Variants in TTC6 observed in about 807,000 individuals in gnomAD.
The protein encoded by TTC6 is tetratricopeptide repeat domain 6.
TTC6 carries 172 observed loss-of-function variants against 210.4 expected under a neutral mutation model. That is an observed-to-expected ratio of 0.82 (90% confidence interval 0.72 to 0.93). The LOEUF is 0.93. Ranked by LOEUF, TTC6 falls within the 40% of genes least tolerant of loss-of-function variation. The pLI, the probability that TTC6 is intolerant of heterozygous loss-of-function variation, is 0.00. For synonymous variants in TTC6, 804 were observed against 819.6 expected (o/e 0.98, Z 0.32); for missense variants, 2,414 against 2,318.1 (o/e 1.04, Z -0.85).
intron 25 of TTC6, among the ~76,000 whole-genome samples, chr14:37,813,257 T>C (rs1229497083): frequency 6.6e-6 from 1 of 152,146 alleles, no homozygotes; most frequent in Non-Finnish European, 1.5e-5. Context: ...ACACTATGAA[T>C]AAATGTAATC....
chr14:37,619,548 A>G (rs2139286816), upstream of TTC6, among the ~76,000 whole-genome samples: 1 of 152,294 alleles, frequency 6.6e-6, no homozygotes, highest in African/African-American at 2.4e-5. Context: ...AATACACCAA[A>G]AAATTGCACC....
At chr14:37,785,871 T>TG (rs1489595723) in intron 14 of TTC6, among the ~76,000 whole-genome samples, 1 of 152,206 alleles carries the variant, frequency 6.6e-6, no homozygotes, top group Non-Finnish European at 1.5e-5. Context: ...GCAGGTCTGT[T>TG]GGAGTTTGCT....
At chr14:37,789,616 ATT>A (rs1491347063) in intron 15 of TTC6, among the ~76,000 whole-genome samples, 3 of 145,882 alleles carry the variant, frequency 2.1e-5, no homozygotes, top group Admixed American at 6.9e-5. Flanking sequence ...ATATATATAT[ATT>A]GTATATACTC....
At chr14:37,714,994 A>G (rs913892839) in intron 6 of TTC6, among the ~76,000 whole-genome samples, 198 bp downstream of exon 8, 2 of 152,280 alleles carry the variant, frequency 1.3e-5, no homozygotes, top group Non-Finnish European at 2.9e-5. Flanking sequence ...TCTGGCCAAC[A>G]TAACGAGACC....
intron 14 of TTC6, among the ~76,000 whole-genome samples, chr14:37,773,789 TGAA>T (rs1424964064): frequency 6.6e-6 from 1 of 152,214 alleles, no homozygotes; most frequent in Non-Finnish European, 1.5e-5. Context: ...TCTGATTCTG[TGAA>T]GAATCTCATT....
intron 5 of TTC6, among the ~76,000 whole-genome samples, chr14:37,712,608 G>T (rs1266467610): frequency 3.9e-5 from 6 of 152,104 alleles, no homozygotes; most frequent in Non-Finnish European, 1.5e-5. Context: ...CAATCATGGT[G>T]GAAGGAGAAG....
chr14:37,808,879 A>G (rs2096123948), intron 24 of TTC6, 33 bp downstream of exon 26: 1 of 1,110,220 alleles, frequency 9.0e-7, no homozygotes, highest in African/African-American at 1.6e-5. Flanking sequence ...CAATGTGTTT[A>G]AAGTGTTTAA....
At chr14:37,782,454 A>T (rs934447959) in intron 14 of TTC6, among the ~76,000 whole-genome samples, 8 of 152,110 alleles carry the variant, frequency 5.3e-5, no homozygotes, top group East Asian at 3.9e-4. Flanking sequence ...ATAGGAATGC[A>T]TGTGATTTTT....
intron 1 of TTC6, among the ~76,000 whole-genome samples, chr14:37,634,573 A>G (rs1007606798): frequency 6.6e-6 from 1 of 152,196 alleles, no homozygotes; most frequent in Non-Finnish European, 1.5e-5. Flanking sequence ...ACAAAAAGAA[A>G]TAATGGCTAG....
At chr14:37,679,163 G>A (rs2095777174) in intron 1 of TTC6, among the ~76,000 whole-genome samples, 3 of 152,204 alleles carry the variant, frequency 2.0e-5, no homozygotes, top group East Asian at 1.9e-4. Context: ...TTGAGGTTAC[G>A]GGGAGCTATG....
At chr14:37,714,958 G>C (rs542590933) in intron 6 of TTC6, among the ~76,000 whole-genome samples, 162 bp downstream of exon 8, 1 of 152,242 alleles carries the variant, frequency 6.6e-6, no homozygotes, top group African/African-American at 2.4e-5. Context: ...CGAGAGGATT[G>C]CTTGAGCCCA....
chr14:37,694,345 A>G (rs866207457), intron 3 of TTC6, among the ~76,000 whole-genome samples: 2 of 152,216 alleles, frequency 1.3e-5, no homozygotes, highest in Non-Finnish European at 2.9e-5. Flanking sequence ...GCAAACAGAC[A>G]TATGAAAAGT....
chr14:37,815,274 C>T (rs1176972874), intron 25 of TTC6, among the ~76,000 whole-genome samples: 2 of 152,068 alleles, frequency 1.3e-5, no homozygotes, highest in Admixed American at 1.3e-4. Context: ...AAGTGTATAG[C>T]AGTGGTCCCC....
chr14:37,721,733 C>T (rs2138808153), intron 6 of TTC6, among the ~76,000 whole-genome samples: 2 of 151,510 alleles, frequency 1.3e-5, no homozygotes, highest in East Asian at 3.9e-4. Flanking sequence ...CATTTAATCA[C>T]ATTAAATATT....
At chr14:37,822,869 T>G (rs1205508924) in intron 26 of TTC6, among the ~76,000 whole-genome samples, 1 of 152,204 alleles carries the variant, frequency 6.6e-6, no homozygotes, top group East Asian at 1.9e-4. Flanking sequence ...ATAATTTTCC[T>G]TTCATGTGTA....
At chr14:37,790,295 A>T (rs1201334560) in intron 15 of TTC6, among the ~76,000 whole-genome samples, 1 of 152,112 alleles carries the variant, frequency 6.6e-6, no homozygotes, top group Non-Finnish European at 1.5e-5. Context: ...TTGGCCAGTA[A>T]CGATGGCTTC....
At chr14:37,792,139 TAAAACATTAA>T (rs2096081255) in intron 16 of TTC6, 115 bp from the exon 19 acceptor site, 6 of 773,946 alleles carry the variant, frequency 7.8e-6, no homozygotes, top group Non-Finnish European at 1.1e-5. Flanking sequence ...CTTTCCTTTG[TAAAACATTAA>T]AAAATACTCT....
intron 27 of TTC6, 44 bp from the exon 30 acceptor site, chr14:37,826,151 T>G: frequency 6.4e-7 from 1 of 1,558,206 alleles, no homozygotes; most frequent in Non-Finnish European, 8.7e-7. Flanking sequence ...GTTTGTCATG[T>G]TATGGAGTAT....
In TTC6 at chr14:37,832,707, G is replaced by A. The variant is rs1428054313; in HGVS notation, c.5298+5341G>A. On this transcript the variant is annotated intron_variant, in intron 29 of 30. Coordinates refer to ENST00000553443, the Ensembl canonical transcript of TTC6. The stretch of plus-strand genomic sequence containing the variant: ...GATTTTGATTTTTATTATTTGTTGA[G>A]ACTTGTTTTGTGTTTTAATATGTGG... 3.3e-5 allele frequency among the ~76,000 whole-genome samples: 5 copies of A among 151,974 alleles called. No homozygotes were observed. In the South Asian group the frequency reaches 6.2e-4, roughly 19 times the overall value.
Sources: allele counts gnomAD v4.1 joint callset (sites outside exome capture counted in the v4.1 genomes callset), GRCh38; gene constraint gnomAD v4.1.1; transcripts MANE v1.5; gene names NCBI Gene and HGNC (gene_info 2026-07-23, HGNC 2026-07-21).